SESN3: variants seen among roughly 807,000 people sequenced by gnomAD.
The protein encoded by SESN3 is sestrin-3.
SESN3 carries 21 observed loss-of-function variants against 55.3 expected under a neutral mutation model. The ratio of observed to expected loss-of-function variants is 0.38; its 90% CI spans 0.27 to 0.55. The LOEUF (loss-of-function observed/expected upper bound fraction) is 0.55. Among genes scored for constraint, SESN3 ranks in the 20% least tolerant of loss-of-function variants. SESN3 has a pLI of 0.76. For missense variants in SESN3, 408 were observed against 604.3 expected, an observed-to-expected ratio of 0.68 and a Z score of 3.41; for synonymous variants, 181 against 203.1, an observed-to-expected ratio of 0.89 and a Z score of 0.93.
At chr11:95,219,459 C>T (rs10765715) in intron 1 of SESN3, among the ~76,000 whole-genome samples, 42,299 of 151,914 alleles carry the variant, frequency 0.28, 6,360 homozygotes, top group Non-Finnish European at 0.33. Flanking sequence ...GTAGGTAAAA[C>T]ATGATTTCTT....
At chr11:95,227,230 C>T (rs1324527877) in intron 1 of SESN3, among the ~76,000 whole-genome samples, 1 of 148,018 alleles carries the variant, frequency 6.8e-6, no homozygotes, top group Non-Finnish European at 1.5e-5. Context: ...GCTCTTGTTG[C>T]TCAGGCTGCA....
intron 6 of SESN3, among the ~76,000 whole-genome samples, chr11:95,179,160 T>TC (rs1439148005): frequency 2.2e-5 from 3 of 139,366 alleles, no homozygotes; most frequent in Non-Finnish European, 4.8e-5. Flanking sequence ...GCTTAACCAG[T>TC]TTTTTTTTTT....
At chr11:95,188,522 C>A (rs1437911666) in intron 4 of SESN3, among the ~76,000 whole-genome samples, 1 of 151,774 alleles carries the variant, frequency 6.6e-6, no homozygotes, top group African/African-American at 2.4e-5. Flanking sequence ...GATCTCAATT[C>A]TTCCCAGTTC....
In SESN3 at chr11:95,174,733, C is replaced by G. The variant is rs185420949; in HGVS notation, c.1392+765G>C. Reference sequence around the variant, plus strand: ...AACTCCTGACCTCAGGTGATCCCCCCACCTCGGCCTCCCAAAGTGCTAGGA... The same window carrying G: ...AACTCCTGACCTCAGGTGATCCCCCGACCTCGGCCTCCCAAAGTGCTAGGA... On this transcript the variant is annotated intron_variant, in intron 9 of 9. Coordinates refer to ENST00000536441, the MANE Select transcript of SESN3 (RefSeq NM_144665.4). 2.2e-3 allele frequency among the ~76,000 whole-genome samples: 329 copies of G among 152,252 alleles called. 4 individuals are homozygous for G. The highest frequency in any genetic ancestry group is 2.6e-3 in the Non-Finnish European group (180 of 68,004).
chr11:95,222,281 T>G (rs1443653327), intron 1 of SESN3, among the ~76,000 whole-genome samples: 1 of 152,144 alleles, frequency 6.6e-6, no homozygotes, highest in Non-Finnish European at 1.5e-5. Context: ...TCAAAAGTGA[T>G]GATATTTAAT....
At chr11:95,229,858 T>C (rs995769980) in intron 1 of SESN3, among the ~76,000 whole-genome samples, 1 of 152,186 alleles carries the variant, frequency 6.6e-6, no homozygotes, top group Admixed American at 6.5e-5. Context: ...TAATAAAATG[T>C]AAAAATAGAG....
intron 1 of SESN3, among the ~76,000 whole-genome samples, chr11:95,220,568 C>T (rs569474518): frequency 6.2e-4 from 95 of 152,200 alleles, no homozygotes; most frequent in African/African-American, 2.2e-3. Flanking sequence ...TAGATTTAAT[C>T]TTATAAAATG....
rs1860234438 is a variant in SESN3 at position 95,189,903 on chromosome 11, T to C, written c.401A>G (p.Lys134Arg). 1 of 1,611,244 alleles carries C rather than the reference T, an allele frequency of 6.2e-7. No homozygotes were observed. Among genetic ancestry groups the C allele is most frequent in the African/African-American group, 1.3e-5 (1 of 74,684 alleles). The change falls in exon 4 of 10, where the codon AAG (lysine) becomes AGG (arginine). Residue 134 changes from lysine (K) to arginine (R), a missense_variant. By Grantham distance (26) the Lys-to-Arg change is conservative. Coordinates refer to ENST00000536441, the MANE Select transcript of SESN3 (RefSeq NM_144665.4). ...LINMHVDEFL[K>R]TGGIAEWLNG... is the part of the protein sequence containing the mutation. ...CAACCACTCAGCAATACCTCCAGTC[T>C]TTAAAAATTCATCCACATGCATGTT...
intron 1 of SESN3, among the ~76,000 whole-genome samples, chr11:95,208,458 T>A (rs1860590151): frequency 6.6e-6 from 1 of 151,528 alleles, no homozygotes; most frequent in African/African-American, 2.4e-5. Flanking sequence ...TGCATGATCA[T>A]CAGTGTGCGA....
At chr11:95,212,704 TA>T (rs1306559774) in intron 1 of SESN3, among the ~76,000 whole-genome samples, 1 of 152,096 alleles carries the variant, frequency 6.6e-6, no homozygotes, top group African/African-American at 2.4e-5. Flanking sequence ...TATGACAACA[TA>T]AAAAAATATG....
chr11:95,199,698 AAATT>A (rs1231037077), intron 1 of SESN3, among the ~76,000 whole-genome samples: 1 of 152,066 alleles, frequency 6.6e-6, no homozygotes, highest in African/African-American at 2.4e-5. Context: ...TAAATTATTA[AAATT>A]AATTTTCACT....
intron 1 of SESN3, among the ~76,000 whole-genome samples, chr11:95,209,319 G>C (rs1477079158): frequency 6.6e-6 from 1 of 151,428 alleles, no homozygotes; most frequent in African/African-American, 2.4e-5. Flanking sequence ...TGAAAAAAAA[G>C]CTCATCATCA....
chr11:95,181,855 T>C (rs1860064662), intron 6 of SESN3, among the ~76,000 whole-genome samples: 1 of 152,078 alleles, frequency 6.6e-6, no homozygotes, highest in East Asian at 1.9e-4. Context: ...ATGACTCAAT[T>C]AGCTATTGTA....
chr11:95,187,400 ATTCAT>A (rs761665588), intron 4 of SESN3, among the ~76,000 whole-genome samples: 2 of 151,918 alleles, frequency 1.3e-5, no homozygotes, highest in Non-Finnish European at 2.9e-5. Flanking sequence ...CTTGCCTCAC[ATTCAT>A]TTCTACTTTT....
At chr11:95,228,902 G>A (rs1190424551) in intron 1 of SESN3, among the ~76,000 whole-genome samples, 1 of 152,130 alleles carries the variant, frequency 6.6e-6, no homozygotes, top group Non-Finnish European at 1.5e-5. Context: ...AAAAGCTAAA[G>A]GAAAGATGTA....
At chr11:95,203,512 C>A (rs1431202947) in intron 1 of SESN3, among the ~76,000 whole-genome samples, 2 of 152,080 alleles carry the variant, frequency 1.3e-5, no homozygotes, top group African/African-American at 4.8e-5. Flanking sequence ...GAACAGAAGT[C>A]TTTATTCCTA....
At position 95,177,840 on chromosome 11, in the gene SESN3, CAAG is replaced by C; in HGVS notation, c.1123_1125del (p.Leu375del). ...TTGTAGACCATCCGAAACTTTTCAT[CAAG>C]AAGATGTCCAATGTCAGAATAAAGT... On this transcript the variant is annotated inframe_deletion, in exon 8 of 10. Transcript: ENST00000536441. 6.2e-7 allele frequency: 1 copy of C among 1,606,352 alleles called. No individual in the cohort carries two copies. Among genetic ancestry groups the C allele is most frequent in the Admixed American group, 1.7e-5 (1 of 57,872 alleles).
chr11:95,186,340 CAAAAT>C (rs1279552124), intron 4 of SESN3, among the ~76,000 whole-genome samples: 1 of 151,052 alleles, frequency 6.6e-6, no homozygotes, highest in Non-Finnish European at 1.5e-5. Context: ...CAAAACAAAA[CAAAAT>C]AAAAATAAAA....
At chr11:95,202,970 G>A (rs756724325) in intron 1 of SESN3, among the ~76,000 whole-genome samples, 6 of 152,010 alleles carry the variant, frequency 3.9e-5, no homozygotes, top group Non-Finnish European at 7.4e-5. Context: ...GTTTTAGAAA[G>A]TAAAATTCCC....
Sources: allele counts gnomAD v4.1 joint callset (sites outside exome capture counted in the v4.1 genomes callset), GRCh38; gene constraint gnomAD v4.1.1; transcripts MANE v1.5; gene names NCBI Gene and HGNC (gene_info 2026-07-23, HGNC 2026-07-21).